PLPP4: variants seen among roughly 807,000 people sequenced by gnomAD.
PLPP4 encodes diacylglycerol pyrophosphate like 2.
In PLPP4, 20 loss-of-function variants were observed where a neutral mutation model predicts 32.2. The observed-to-expected ratio is 0.62, with a 90% CI of 0.44 to 0.90. PLPP4 has a LOEUF of 0.90. Among genes scored for constraint, PLPP4 ranks in the 40% least tolerant of loss-of-function variants. PLPP4 has a pLI of 0.00. For synonymous variants in PLPP4, 127 were observed against 133.0 expected, an observed-to-expected ratio of 0.95 and a Z score of 0.31; for missense variants, 257 against 353.1, an observed-to-expected ratio of 0.73 and a Z score of 2.18.
intron 2 of PLPP4, among the ~76,000 whole-genome samples, chr10:120,505,274 G>A (rs1424148512): frequency 6.6e-6 from 1 of 152,208 alleles, no homozygotes; most frequent in African/African-American, 2.4e-5. Context: ...TGAGGGTTGG[G>A]GGCAGAGTGT....
intron 5 of PLPP4, among the ~76,000 whole-genome samples, chr10:120,526,172 C>T (rs1846381741): frequency 6.6e-6 from 1 of 151,916 alleles, no homozygotes; most frequent in South Asian, 2.1e-4. Flanking sequence ...TTTTAATTTC[C>T]AAGAGCTCTT....
chr10:120,486,945 T>C (rs933610135), intron 1 of PLPP4, among the ~76,000 whole-genome samples: 1 of 152,244 alleles, frequency 6.6e-6, no homozygotes, highest in Non-Finnish European at 1.5e-5. Context: ...CCCTTGCTTA[T>C]TGTGGGATTC....
chr10:120,497,084 C>T (rs1218982759), intron 1 of PLPP4, among the ~76,000 whole-genome samples: 1 of 151,988 alleles, frequency 6.6e-6, no homozygotes, highest in Admixed American at 6.5e-5. Flanking sequence ...GGAGAGCCCC[C>T]AGTGATGCCA....
chr10:120,548,692 C>T (rs1589860485), intron 5 of PLPP4, among the ~76,000 whole-genome samples: 1 of 152,096 alleles, frequency 6.6e-6, no homozygotes, highest in African/African-American at 2.4e-5. Flanking sequence ...TATATTCCCA[C>T]TAGCAGTGTA....
At chr10:120,499,959 C>T (rs1845162732) in intron 1 of PLPP4, among the ~76,000 whole-genome samples, 1 of 152,178 alleles carries the variant, frequency 6.6e-6, no homozygotes, top group Admixed American at 6.5e-5. Flanking sequence ...ATGTGCCCAC[C>T]TCTGTCCCTG....
At chr10:120,485,843 T>C (rs1278543208) in intron 1 of PLPP4, among the ~76,000 whole-genome samples, 4 of 152,206 alleles carry the variant, frequency 2.6e-5, no homozygotes, top group Non-Finnish European at 5.9e-5. Flanking sequence ...TGCCCCACCC[T>C]GGCTGCCCTG....
At chr10:120,552,425 C>T (rs1847953703) in intron 5 of PLPP4, among the ~76,000 whole-genome samples, 1 of 152,132 alleles carries the variant, frequency 6.6e-6, no homozygotes, top group Admixed American at 6.5e-5. Context: ...ATCATCATCC[C>T]TCCAATGGGT....
At chr10:120,565,660 A>G (rs1363346241) in intron 5 of PLPP4, among the ~76,000 whole-genome samples, 2 of 151,808 alleles carry the variant, frequency 1.3e-5, no homozygotes, top group African/African-American at 2.4e-5. Flanking sequence ...AGTTCCTTTT[A>G]TGTATCTTGT....
At chr10:120,587,724 C>T (rs1849826650) in intron 6 of PLPP4, among the ~76,000 whole-genome samples, 1 of 152,222 alleles carries the variant, frequency 6.6e-6, no homozygotes, top group Admixed American at 6.5e-5. Flanking sequence ...AAGCATTGAG[C>T]AGCTTGTTTT....
At chr10:120,464,346 T>C (rs1848218091) in intron 1 of PLPP4, among the ~76,000 whole-genome samples, 1 of 152,256 alleles carries the variant, frequency 6.6e-6, no homozygotes, top group Non-Finnish European at 1.5e-5. Context: ...CAAATGGTGA[T>C]GTTATTATTA....
At position 120,493,127 on chromosome 10, in the gene PLPP4, C is replaced by T. The variant is rs370444919; in HGVS notation, c.57-10691C>T. On this transcript the variant is annotated intron_variant, in intron 1 of 6. Coordinates refer to ENST00000398250, the MANE Select transcript of PLPP4 (RefSeq NM_001030059.3). ...ATTTCCCCAATCATCCTCAGTGTTT[C>T]TTTTTAATAGCTTTTGGTTTGTTTT... Among the ~76,000 whole-genome samples, 37 of 152,290 alleles carry T rather than the reference C, an allele frequency of 2.4e-4. 1 individual carries two copies. The East Asian group carries it at 6.2e-3, about 25-fold the overall frequency.
intron 1 of PLPP4, among the ~76,000 whole-genome samples, chr10:120,491,982 T>G (rs559333024): frequency 6.6e-6 from 1 of 152,348 alleles, no homozygotes; most frequent in South Asian, 2.1e-4. Flanking sequence ...TACAAATTTT[T>G]GGAAATAATT....
chr10:120,534,099 T>G (rs186084202), intron 5 of PLPP4, among the ~76,000 whole-genome samples: 1 of 152,294 alleles, frequency 6.6e-6, no homozygotes, highest in Non-Finnish European at 1.5e-5. Context: ...CTATCTGGGA[T>G]CACTTGTTTG....
chr10:120,534,383 G>A (rs547319475), intron 5 of PLPP4, among the ~76,000 whole-genome samples: 1 of 151,276 alleles, frequency 6.6e-6, no homozygotes, highest in East Asian at 2.0e-4. Flanking sequence ...TTCCTTCTTT[G>A]GCATTCCTCA....
Position 120,590,806 on chromosome 10 carries a change from C to T in PLPP4, c.*1304C>T, listed in dbSNP as rs1228383273. Among the ~76,000 whole-genome samples, 3 of 137,710 alleles carry T rather than the reference C, an allele frequency of 2.2e-5. No homozygotes were observed. The highest frequency in any genetic ancestry group is 8.3e-5 in the African/African-American group (3 of 36,096). The allele number at this position is 137,710 out of a possible 152,430, so 90.3% of individuals were successfully genotyped here. Reference sequence around the variant, plus strand: ...TTTTTGAGATGGAGTCTCGCTGTGTCGAGACTGCACTGGAGTGCAGTGGCG... The same window carrying T: ...TTTTTGAGATGGAGTCTCGCTGTGTTGAGACTGCACTGGAGTGCAGTGGCG... On this transcript the variant is annotated 3_prime_UTR_variant, in exon 7 of 7. Transcript: ENST00000398250.
intron 5 of PLPP4, among the ~76,000 whole-genome samples, chr10:120,555,156 A>G (rs563825160): frequency 2.6e-4 from 40 of 152,186 alleles, no homozygotes; most frequent in Middle Eastern, 3.4e-3. Context: ...TACTGAAACC[A>G]AGCAGAACCT....
Position 120,528,364 on chromosome 10 carries a change from A to G in PLPP4, c.445+7269A>G, listed in dbSNP as rs191767247. 2.5e-3 allele frequency among the ~76,000 whole-genome samples: 381 copies of G among 152,170 alleles called. 3 individuals carry two copies. The highest frequency in any genetic ancestry group is 8.0e-3 in the African/African-American group (334 of 41,528). On this transcript the variant is annotated intron_variant, in intron 5 of 6. Coordinates refer to ENST00000398250, the MANE Select transcript of PLPP4 (RefSeq NM_001030059.3). Reference sequence around the variant, plus strand: ...GCTGGGATTACAGACGTGAGCCACCACGCCCGGCCGCCACTCTCCTTTCTT... The same window carrying G: ...GCTGGGATTACAGACGTGAGCCACCGCGCCCGGCCGCCACTCTCCTTTCTT...
At chr10:120,510,627 A>G (rs1845687196) in intron 2 of PLPP4, among the ~76,000 whole-genome samples, 1 of 152,122 alleles carries the variant, frequency 6.6e-6, no homozygotes. Flanking sequence ...TGCTTTGCTG[A>G]GTGAAAGTGA....
intron 2 of PLPP4, among the ~76,000 whole-genome samples, chr10:120,507,035 G>T (rs547802788): frequency 6.6e-6 from 1 of 152,240 alleles, no homozygotes; most frequent in Admixed American, 6.5e-5. Flanking sequence ...AGTGTGAGAG[G>T]TTTATCAGAA....
Sources: gnomAD v4.1 joint callset for allele counts (sites outside exome capture counted in the v4.1 genomes callset) on GRCh38, gnomAD v4.1.1 for gene constraint, MANE v1.5 for transcripts, NCBI Gene and HGNC (gene_info 2026-07-23, HGNC 2026-07-21) for gene names.